Variants in LRRC40 observed in about 807,000 individuals in gnomAD.
LRRC40 encodes leucine rich repeat containing 40.
A neutral mutation model predicts 72.8 loss-of-function variants in LRRC40; 76 were observed. The ratio of observed to expected loss-of-function variants is 1.04; its 90% CI spans 0.87 to 1.26. LRRC40 has a LOEUF of 1.26. Ranked by LOEUF, LRRC40 falls within the 50% of genes most tolerant of loss-of-function variation. LRRC40 has a pLI of 0.00. For synonymous variants in LRRC40, 243 were observed against 254.2 expected, an observed-to-expected ratio of 0.96 and a Z score of 0.42; for missense variants, 684 against 698.9, an observed-to-expected ratio of 0.98 and a Z score of 0.24.
intron 1 of LRRC40, among the ~76,000 whole-genome samples, chr1:70,191,319 A>T (rs1668495567): frequency 6.6e-6 from 1 of 152,164 alleles, no homozygotes; most frequent in African/African-American, 2.4e-5. Context: ...ATACATAGGT[A>T]TATTAAGGCC....
At position 70,173,509 on chromosome 1, in the gene LRRC40, T is replaced by A; in HGVS notation, c.1067A>T (p.Lys356Ile). ...LRTIRREIIS[K>I]GTQEVLKYLR... ...ATATTTTAGGACTTCTTGTGTTCCT[T>A]TCTAGAAGGGTGGAGACAAAGACAT... The change falls in exon 9 of 15, where the codon AAA (lysine) becomes ATA (isoleucine). Residue 356 changes from lysine (K) to isoleucine (I), a missense_variant and splice_region_variant. Physicochemically the swap from Lys to Ile is moderately radical, Grantham distance 102 (BLOSUM62 -3). Transcript: ENST00000370952. 1 of 1,607,640 alleles carries A rather than the reference T, an allele frequency of 6.2e-7. No homozygotes were observed. The highest frequency in any genetic ancestry group is 8.5e-7 in the Non-Finnish European group (1 of 1,174,660).
intron 9 of LRRC40, among the ~76,000 whole-genome samples, chr1:70,171,782 T>C (rs1023859930): frequency 3.3e-5 from 5 of 152,176 alleles, no homozygotes; most frequent in Non-Finnish European, 2.9e-5. Context: ...GAAAACAGTT[T>C]GGCAGTTCTT....
intron 3 of LRRC40, among the ~76,000 whole-genome samples, chr1:70,185,536 C>T (rs545199269): frequency 6.6e-6 from 1 of 152,208 alleles, no homozygotes; most frequent in Non-Finnish European, 1.5e-5. Flanking sequence ...AACTGTAAGT[C>T]CAATTAAACC....
chr1:70,197,037 A>T (rs1668627716), intron 1 of LRRC40, among the ~76,000 whole-genome samples: 1 of 152,220 alleles, frequency 6.6e-6, no homozygotes, highest in South Asian at 2.1e-4. Context: ...GGCTCAACAG[A>T]ACTTTCTACA....
chr1:70,201,187 A>G (rs1056612379), intron 1 of LRRC40, among the ~76,000 whole-genome samples: 1 of 152,164 alleles, frequency 6.6e-6, no homozygotes. Flanking sequence ...AAAAACAACT[A>G]AATATATTTT....
chr1:70,180,347 C>A (rs1466590651), intron 5 of LRRC40: 1 of 152,110 alleles, frequency 6.6e-6, no homozygotes, highest in South Asian at 2.1e-4. Context: ...ATTGGCATAG[C>A]GCACTACAGC....
chr1:70,165,865 T>G (rs914478333), intron 9 of LRRC40, among the ~76,000 whole-genome samples: 6 of 152,148 alleles, frequency 3.9e-5, no homozygotes, highest in Non-Finnish European at 8.8e-5. Context: ...CCACAGGTGA[T>G]TCTTATGTGC....
rs77958505 is a variant in LRRC40 at position 70,159,501 on chromosome 1, G to A, written c.1112-63C>T. On this transcript the variant is annotated intron_variant, in intron 9 of 14. Coordinates refer to ENST00000370952, the MANE Select transcript of LRRC40 (RefSeq NM_017768.5). ...CTACAAAGTCATTGTTAAAATTCTT[G>A]ATAATATATTAAAACAGTGTACGTG... 0.01 allele frequency: 7,590 copies of A among 733,114 alleles called. 569 individuals carry two copies. The East Asian group carries it at 0.17, about 16-fold the overall frequency. 45.4% of individuals were successfully genotyped at this position (733,114 alleles called of 1,614,324 possible).
At chr1:70,195,107 A>G (rs1031219217) in intron 1 of LRRC40, among the ~76,000 whole-genome samples, 9 of 152,148 alleles carry the variant, frequency 5.9e-5, no homozygotes, top group Non-Finnish European at 1.0e-4. Context: ...GAAACTAAAA[A>G]ATTCTAAAAG....
At chr1:70,170,647 T>C (rs1026103416) in intron 9 of LRRC40, among the ~76,000 whole-genome samples, 2 of 152,070 alleles carry the variant, frequency 1.3e-5, no homozygotes, top group African/African-American at 4.8e-5. Context: ...TCAAAAGGAA[T>C]AAAATGCTTA....
chr1:70,146,950 T>C lies in LRRC40; in HGVS notation c.1704-1045A>G, dbSNP rs1261623623. The C allele has an allele frequency of 3.9e-5, 6 of 152,136 alleles. No homozygotes were observed. The South Asian group carries it at 8.3e-4, about 21-fold the overall frequency. 9.4% of individuals were successfully genotyped at this position (152,136 alleles called of 1,614,324 possible). On this transcript the variant is annotated intron_variant, in intron 14 of 14. Transcript: ENST00000370952. ...ACAAAAATCAAAGGACTCAACCATATTGTTGATCTAAATTATATCTTCAAA... is the reference window on the plus strand; with the variant it reads ...ACAAAAATCAAAGGACTCAACCATACTGTTGATCTAAATTATATCTTCAAA...
Position 70,205,507 on chromosome 1 carries a change from G to T in LRRC40, c.34C>A (p.Leu12Ile). ...CCACCTGCTTTGAAACCAGCGCGGAGATCCTGCCCCGCTATCCGCTTCAGG... is the reference window on the plus strand; with the variant it reads ...CCACCTGCTTTGAAACCAGCGCGGATATCCTGCCCCGCTATCCGCTTCAGG... ...SRLKRIAGQD[L>I]RAGFKAGGRD... Residue 12 changes from leucine to isoleucine, a missense_variant, in exon 1 of 15, where the codon CTC becomes ATC. Transcript: ENST00000370952. The T allele has an allele frequency of 6.2e-7, 1 of 1,602,752 alleles. No homozygotes were observed. Among genetic ancestry groups the T allele is most frequent in the Non-Finnish European group, 8.5e-7 (1 of 1,171,026 alleles).
rs541573040 is a variant in LRRC40, at chr1:70,149,438, A to C, written c.1518-766T>G. Among the ~76,000 whole-genome samples, 3 of 152,320 alleles carry C rather than the reference A, an allele frequency of 2.0e-5. No homozygotes were observed. The East Asian group carries it at 5.8e-4, about 29-fold the overall frequency. On this transcript the variant is annotated intron_variant, in intron 13 of 14. Coordinates refer to ENST00000370952, the MANE Select transcript of LRRC40 (RefSeq NM_017768.5). ...AGTGCTGAAGTTCCAGTAAGACTAG[A>C]GAAGCAATAGCCAAGAGTACAGATG...
chr1:70,194,339 T>G (rs1170025343), intron 1 of LRRC40, among the ~76,000 whole-genome samples: 3 of 149,298 alleles, frequency 2.0e-5, no homozygotes, highest in Non-Finnish European at 2.9e-5. Context: ...AGATTTACAA[T>G]ACAAGACATC....
At chr1:70,199,213 T>TCACACACA (rs1301228532) in intron 1 of LRRC40, among the ~76,000 whole-genome samples, 7 of 81,944 alleles carry the variant, frequency 8.5e-5, no homozygotes, top group African/African-American at 6.0e-4. Context: ...TTATACATAG[T>TCACACACA]CTCACACACA....
chr1:70,173,135 T>C (rs1668033229), intron 9 of LRRC40, among the ~76,000 whole-genome samples: 1 of 152,174 alleles, frequency 6.6e-6, no homozygotes, highest in East Asian at 1.9e-4. Context: ...TTCTAGTCAA[T>C]AGAACCCATA....
At chr1:70,181,909 G>T (rs950379020) in intron 4 of LRRC40, among the ~76,000 whole-genome samples, 6 of 151,884 alleles carry the variant, frequency 4.0e-5, no homozygotes. Flanking sequence ...TATGAATCAG[G>T]TAATTTTTAT....
intron 1 of LRRC40, among the ~76,000 whole-genome samples, chr1:70,189,778 G>A (rs1409668297): frequency 6.6e-6 from 1 of 152,184 alleles, no homozygotes; most frequent in Non-Finnish European, 1.5e-5. Flanking sequence ...CTGCAAAGTA[G>A]GTGTTATTAT....
chr1:70,154,121 A>G (rs1404004959), intron 11 of LRRC40, among the ~76,000 whole-genome samples: 2 of 152,162 alleles, frequency 1.3e-5, no homozygotes, highest in Non-Finnish European at 2.9e-5. Context: ...TTTATTCCAA[A>G]ATTTTATGAA....
Sources: gnomAD v4.1 joint callset for allele counts (sites outside exome capture counted in the v4.1 genomes callset) on GRCh38, gnomAD v4.1.1 for gene constraint, MANE v1.5 for transcripts, NCBI Gene and HGNC (gene_info 2026-07-23, HGNC 2026-07-21) for gene names.